EHBP1: variants seen among roughly 807,000 people sequenced by gnomAD.
EHBP1 encodes the protein EH domain binding protein 1.
A neutral mutation model predicts 144.0 loss-of-function variants in EHBP1; 55 were observed. The observed-to-expected ratio is 0.38, with a 90% confidence interval of 0.31 to 0.48. The LOEUF (loss-of-function observed/expected upper bound fraction) is 0.48, where lower values mean the gene tolerates loss of function less well. Ranked by LOEUF, EHBP1 falls within the 20% of genes least tolerant of loss-of-function variation. The pLI is 0.98. For synonymous variants in EHBP1, 469 were observed against 472.7 expected, an observed-to-expected ratio of 0.99 and a Z score of 0.10; for missense variants, 1,200 against 1,364.2, an observed-to-expected ratio of 0.88 and a Z score of 1.90.
chr2:62,688,179 T>C (rs360790), intron 1 of EHBP1, among the ~76,000 whole-genome samples: 23,802 of 152,160 alleles, frequency 0.16, 2,130 homozygotes, highest in Middle Eastern at 0.24. Context: ...GATGTAAAAA[T>C]TGGATATTTC....
chr2:62,869,768 G>T (rs1193957410), intron 9 of EHBP1, among the ~76,000 whole-genome samples: 1 of 152,182 alleles, frequency 6.6e-6, no homozygotes, highest in Admixed American at 6.5e-5. Flanking sequence ...ATTTTCAAAT[G>T]TAAGCCATGT....
At position 62,706,932 on chromosome 2, in the gene EHBP1, G is replaced by T. The variant is rs2151796736; in HGVS notation, c.-260G>T. 5.1e-6 allele frequency: 2 copies of T among 391,258 alleles called. No homozygotes were observed. Among genetic ancestry groups the T allele is most frequent in the East Asian group, 9.4e-5 (2 of 21,220 alleles). The allele number at this position is 391,258 out of a possible 1,614,324, so 24.2% of individuals were successfully genotyped here. On this transcript the variant is annotated 5_prime_UTR_variant, in exon 2 of 23. Transcript: ENST00000431489. ...TACCCATCATATAGCCCCTGAGGTG[G>T]CATGGTGATGTCTCCATGAGGGAAC...
chr2:63,029,996 G>T (rs1392360037), intron 19 of EHBP1, among the ~76,000 whole-genome samples: 1 of 152,148 alleles, frequency 6.6e-6, no homozygotes, highest in African/African-American at 2.4e-5. Flanking sequence ...CTCCCAAAGT[G>T]CTGGGATTAC....
At position 62,755,574 on chromosome 2, in the gene EHBP1, C is replaced by T. The variant is rs183974841; in HGVS notation, c.162+8122C>T. Among the ~76,000 whole-genome samples the T allele has an allele frequency of 2.6e-4, 40 of 152,278 alleles. No homozygotes were observed. In the East Asian group the frequency reaches 3.5e-3, roughly 13 times the overall value. ...ATTTTTAACTTGTAAGAAATTGCCA[C>T]GCACTCTCACCAGCAATATTGAAGA... On this transcript the variant is annotated intron_variant, in intron 3 of 22. Coordinates refer to ENST00000431489, the MANE Select transcript of EHBP1 (RefSeq NM_001142616.3).
chr2:62,684,497 GT>G (rs2033652214), intron 1 of EHBP1, among the ~76,000 whole-genome samples: 2 of 152,284 alleles, frequency 1.3e-5, no homozygotes, highest in African/African-American at 4.8e-5. Flanking sequence ...GTAAAATTAG[GT>G]TTCTTTAAAG....
intron 5 of EHBP1, among the ~76,000 whole-genome samples, chr2:62,785,547 A>T (rs1367877784): frequency 6.6e-6 from 1 of 152,222 alleles, no homozygotes; most frequent in Non-Finnish European, 1.5e-5. Flanking sequence ...GCTCTTAGTC[A>T]GTATAGAGAA....
intron 10 of EHBP1, among the ~76,000 whole-genome samples, chr2:62,938,814 A>AAAG (rs577376585): frequency 5.9e-5 from 9 of 152,110 alleles, no homozygotes; most frequent in African/African-American, 1.7e-4. Context: ...GGGAAAAAAA[A>AAAG]AAGAAGAAGA....
Position 62,707,122 on chromosome 2 carries a change from TGG to T in EHBP1, c.-69_-68del. 8.3e-7 allele frequency: 1 copy of T among 1,209,578 alleles called. No individual in the cohort carries two copies. Among genetic ancestry groups the T allele is most frequent in the South Asian group, 1.2e-5 (1 of 82,670 alleles). 74.9% of individuals were successfully genotyped at this position (1,209,578 alleles called of 1,614,324 possible). A position where few individuals can be genotyped will look rare whatever the true frequency, so the allele number is the denominator to read the frequency against. On this transcript the variant is annotated 5_prime_UTR_variant, in exon 2 of 23. It removes the in-frame stop codon of an upstream open reading frame in the 5' UTR. Transcript: ENST00000431489. ...ACATACATGCAAAGTTCCTTTGCTT[TGG>T]ACCCTCTGCATTATTAAAGCTGCTG...
chr2:62,993,834 C>A (rs141864934), intron 17 of EHBP1, 37 bp from the exon 18 acceptor site: 1 of 1,460,200 alleles, frequency 6.8e-7, no homozygotes. Flanking sequence ...TCAAGCTTTA[C>A]AATAATTTTA....
chr2:62,811,999 A>G (rs1407917314), intron 5 of EHBP1, among the ~76,000 whole-genome samples: 2 of 152,162 alleles, frequency 1.3e-5, no homozygotes, highest in Non-Finnish European at 2.9e-5. Flanking sequence ...TGAGGGCTCT[A>G]CCCTCACAAA....
chr2:62,840,016 G>T, intron 7 of EHBP1, among the ~76,000 whole-genome samples: 1 of 152,018 alleles, frequency 6.6e-6, no homozygotes, highest in East Asian at 1.9e-4. Flanking sequence ...ACCAAAAAAG[G>T]GCTTGCATTG....
chr2:62,877,618 T>A (rs2051003053), intron 10 of EHBP1, among the ~76,000 whole-genome samples: 1 of 152,082 alleles, frequency 6.6e-6, no homozygotes, highest in African/African-American at 2.4e-5. Context: ...CTCAAAAAAT[T>A]CAATATAACT....
intron 5 of EHBP1, among the ~76,000 whole-genome samples, chr2:62,806,664 A>G (rs2044515154): frequency 6.6e-6 from 1 of 152,006 alleles, no homozygotes; most frequent in Non-Finnish European, 1.5e-5. Context: ...ACTTGGCTTA[A>G]TTGAGCATTT....
rs1021889893 is a variant in EHBP1 at position 62,805,302 on chromosome 2, A to G, written c.313-20785A>G. Reference sequence around the variant, plus strand: ...GTATGGTATTTATTGATACAGAACTATATTTATTATATTTAATTTAAAAAG... The same window carrying G: ...GTATGGTATTTATTGATACAGAACTGTATTTATTATATTTAATTTAAAAAG... On this transcript the variant is annotated intron_variant, in intron 5 of 22. Coordinates refer to ENST00000431489, the MANE Select transcript of EHBP1 (RefSeq NM_001142616.3). Among the ~76,000 whole-genome samples, 3 of 152,064 alleles carry G rather than the reference A, an allele frequency of 2.0e-5. No individual in the cohort carries two copies. The East Asian group carries it at 5.8e-4, about 29-fold the overall frequency.
At chr2:62,717,952 C>A (rs754548879) in intron 2 of EHBP1, among the ~76,000 whole-genome samples, 1 of 152,072 alleles carries the variant, frequency 6.6e-6, no homozygotes, top group Non-Finnish European at 1.5e-5. Context: ...AGTTTATTGG[C>A]GGCCAAGGCA....
intron 5 of EHBP1, among the ~76,000 whole-genome samples, chr2:62,797,604 C>G (rs1166406530): frequency 6.6e-6 from 1 of 152,106 alleles, no homozygotes; most frequent in African/African-American, 2.4e-5. Flanking sequence ...TCAACACAAC[C>G]TTTTTTACTT....
chr2:62,907,555 C>T (rs933034801), intron 10 of EHBP1, among the ~76,000 whole-genome samples: 1 of 152,184 alleles, frequency 6.6e-6, no homozygotes, highest in East Asian at 1.9e-4. Context: ...AGTCTTCTCA[C>T]AGTGTCCTCA....
chr2:62,913,904 A>T (rs923244005), intron 10 of EHBP1, among the ~76,000 whole-genome samples: 1 of 152,182 alleles, frequency 6.6e-6, no homozygotes, highest in African/African-American at 2.4e-5. Context: ...AATGAATTCA[A>T]TGGCAAATCA....
At chr2:62,894,152 A>G (rs904503547) in intron 10 of EHBP1, among the ~76,000 whole-genome samples, 4 of 152,226 alleles carry the variant, frequency 2.6e-5, no homozygotes, top group African/African-American at 9.6e-5. Context: ...TGTGTAAGGA[A>G]CTGTCCTGCA....
Sources: allele counts gnomAD v4.1 joint callset (sites outside exome capture counted in the v4.1 genomes callset), GRCh38; gene constraint gnomAD v4.1.1; transcripts MANE v1.5; gene names NCBI Gene and HGNC (gene_info 2026-07-23, HGNC 2026-07-21).